Variants in MSRA observed in about 807,000 individuals in gnomAD.
The protein encoded by MSRA is mitochondrial peptide methionine sulfoxide reductase.
MSRA carries 54 observed loss-of-function variants against 31.3 expected under a neutral mutation model. The observed-to-expected ratio is 1.73, with a 90% confidence interval of 1.39 to 2.17. The LOEUF (loss-of-function observed/expected upper bound fraction) is 2.17, where lower values mean the gene tolerates loss of function less well. Among genes scored for constraint, MSRA ranks in the 30% most tolerant of loss-of-function variants. The pLI is 0.00. For synonymous variants in MSRA, 169 were observed against 116.5 expected, an observed-to-expected ratio of 1.45 and a Z score of -2.90; for missense variants, 507 against 300.9, an observed-to-expected ratio of 1.69 and a Z score of -5.07.
At position 10,195,965 on chromosome 8, in the gene MSRA, G is replaced by A. The variant is rs537619624; in HGVS notation, c.143-11868G>A. On this transcript the variant is annotated intron_variant, in intron 1 of 5. Transcript: ENST00000317173. ...GTTCAAGGGTGAAAGGTTGGTGTTG[G>A]TCTGGAACAGATTGGAAGGGGAGGT... 3.3e-5 allele frequency among the ~76,000 whole-genome samples: 5 copies of A among 152,340 alleles called. No homozygotes were observed. The South Asian group carries it at 1.0e-3, about 32-fold the overall frequency.
chr8:10,177,168 G>A (rs1806123066), intron 1 of MSRA, among the ~76,000 whole-genome samples: 1 of 152,174 alleles, frequency 6.6e-6, no homozygotes, highest in Admixed American at 6.5e-5. Flanking sequence ...GAAAAAGTTG[G>A]TACTGGTGAA....
chr8:10,383,994 A>G (rs1806233118), intron 5 of MSRA, among the ~76,000 whole-genome samples: 1 of 152,136 alleles, frequency 6.6e-6, no homozygotes, highest in South Asian at 2.1e-4. Flanking sequence ...TCACGTTCTG[A>G]TGCCTGCAGA....
chr8:10,188,085 G>A (rs1807205941), intron 1 of MSRA, among the ~76,000 whole-genome samples: 1 of 152,194 alleles, frequency 6.6e-6, no homozygotes, highest in Non-Finnish European at 1.5e-5. Flanking sequence ...AATAGTTGAA[G>A]ACTGAAGAGA....
intron 3 of MSRA, among the ~76,000 whole-genome samples, chr8:10,275,246 G>A (rs368140822): frequency 5.9e-5 from 9 of 152,138 alleles, no homozygotes; most frequent in East Asian, 3.8e-4. Context: ...TTTCATCCCC[G>A]TGATTGCAAG....
At position 10,215,893 on chromosome 8, in the gene MSRA, G is replaced by A. The variant is rs139614667; in HGVS notation, c.211+7992G>A. 2.5e-3 allele frequency among the ~76,000 whole-genome samples: 377 copies of A among 152,086 alleles called. 1 individual carries two copies. Among genetic ancestry groups the A allele is most frequent in the Admixed American group, 3.7e-3 (57 of 15,280 alleles). ...GAAAGATTTATTTTACAAATGTGGC[G>A]GACATTTCTTAAATTTCTACAGAGA... is the stretch of plus-strand genomic sequence containing the variant. On this transcript the variant is annotated intron_variant, in intron 2 of 5. Coordinates refer to ENST00000317173, the MANE Select transcript of MSRA (RefSeq NM_012331.5).
At chr8:10,171,754 G>C (rs943397810) in intron 1 of MSRA, among the ~76,000 whole-genome samples, 1 of 152,186 alleles carries the variant, frequency 6.6e-6, no homozygotes, top group African/African-American at 2.4e-5. Flanking sequence ...TTTGCAGTTT[G>C]TTTAGGTGGT....
chr8:10,184,971 G>A (rs555227293), intron 1 of MSRA, among the ~76,000 whole-genome samples: 2 of 152,216 alleles, frequency 1.3e-5, no homozygotes, highest in Non-Finnish European at 2.9e-5. Context: ...AGAATAAACA[G>A]TTTGCATATG....
Position 10,362,825 on chromosome 8 carries a change from G to A in MSRA, c.543+42836G>A, listed in dbSNP as rs188996006. ...TCGGTTTTCAAACGCAACTGCCCGCGCCACCGGGAGCTGCCCCTGACTTCC... is the reference window on the plus strand; with the variant it reads ...TCGGTTTTCAAACGCAACTGCCCGCACCACCGGGAGCTGCCCCTGACTTCC... On this transcript the variant is annotated intron_variant, in intron 5 of 5. Transcript: ENST00000317173. Among the ~76,000 whole-genome samples, 50 of 151,686 alleles carry A rather than the reference G, an allele frequency of 3.3e-4. 1 individual carries two copies. Among genetic ancestry groups the A allele is most frequent in the African/African-American group, 1.2e-3 (48 of 41,304 alleles).
intron 3 of MSRA, among the ~76,000 whole-genome samples, chr8:10,282,291 C>G (rs1352110588): frequency 1.3e-5 from 2 of 152,188 alleles, no homozygotes; most frequent in Non-Finnish European, 2.9e-5. Context: ...GAAATCATTA[C>G]TAATTTATCT....
chr8:10,219,039 C>T (rs1381669016), intron 2 of MSRA, among the ~76,000 whole-genome samples: 1 of 152,082 alleles, frequency 6.6e-6, no homozygotes, highest in African/African-American at 2.4e-5. Context: ...GAGTCCTGAC[C>T]CTCAGTAGCT....
intron 1 of MSRA, among the ~76,000 whole-genome samples, chr8:10,157,240 C>T (rs565279967): frequency 6.6e-6 from 1 of 151,852 alleles, no homozygotes; most frequent in Non-Finnish European, 1.5e-5. Flanking sequence ...GTTAACACTC[C>T]CTTGATGTAT....
At chr8:10,211,930 G>A (rs924004827) in intron 2 of MSRA, among the ~76,000 whole-genome samples, 1 of 152,080 alleles carries the variant, frequency 6.6e-6, no homozygotes, top group South Asian at 2.1e-4. Context: ...AATTTCACGA[G>A]AAAATCAAAG....
At chr8:10,259,143 G>A (rs1043998477) in intron 3 of MSRA, among the ~76,000 whole-genome samples, 2 of 151,672 alleles carry the variant, frequency 1.3e-5, no homozygotes, top group Non-Finnish European at 2.9e-5. Context: ...ATGTTCATCT[G>A]TTGCCTTTGA....
In MSRA at chr8:10,054,666, C is replaced by T; in HGVS notation, c.142+8C>T. 2 of 1,522,668 alleles carry T rather than the reference C, an allele frequency of 1.3e-6. No homozygotes were observed. The highest frequency in any genetic ancestry group is 1.8e-6 in the Non-Finnish European group (2 of 1,131,774). 94.3% of individuals were successfully genotyped at this position (1,522,668 alleles called of 1,614,324 possible). ...AACAGACCCCTGTAGCGGGTAAGCA[C>T]TGGCCACACGGAAGGCGCGGGCGGC... On this transcript the variant is annotated splice_region_variant and intron_variant, in intron 1 of 5. Transcript: ENST00000317173.
At chr8:10,256,070 G>A (rs774911690) in intron 3 of MSRA, among the ~76,000 whole-genome samples, 5 of 152,070 alleles carry the variant, frequency 3.3e-5, no homozygotes, top group Admixed American at 6.6e-5. Context: ...TGTCCACCAT[G>A]AAGTTATTGT....
chr8:10,311,701 C>T (rs747955959), intron 4 of MSRA, among the ~76,000 whole-genome samples: 1 of 152,032 alleles, frequency 6.6e-6, no homozygotes, highest in Non-Finnish European at 1.5e-5. Flanking sequence ...TCACTTGAAT[C>T]CAGGAGTTCA....
chr8:10,398,912 A>C (rs1365890592), intron 5 of MSRA, among the ~76,000 whole-genome samples: 2 of 152,234 alleles, frequency 1.3e-5, no homozygotes, highest in Non-Finnish European at 2.9e-5. Context: ...AGCCTCTCCC[A>C]GCTTCCTGGC....
chr8:10,253,099 G>A (rs967745757), intron 3 of MSRA, among the ~76,000 whole-genome samples: 1 of 152,174 alleles, frequency 6.6e-6, no homozygotes. Context: ...TCAAATAACT[G>A]AAGGCTGGCA....
At chr8:10,366,349 G>C (rs1464746488) in intron 5 of MSRA, among the ~76,000 whole-genome samples, 5 of 152,252 alleles carry the variant, frequency 3.3e-5, no homozygotes, top group Non-Finnish European at 5.9e-5. Flanking sequence ...AGGCAAGCCC[G>C]TGTGAGCTCG....
Sources: gnomAD v4.1 joint callset for allele counts (sites outside exome capture counted in the v4.1 genomes callset) on GRCh38, gnomAD v4.1.1 for gene constraint, MANE v1.5 for transcripts, NCBI Gene and HGNC (gene_info 2026-07-23, HGNC 2026-07-21) for gene names.